The following SLC51B variants were observed in gnomAD, a reference collection of about 807,000 sequenced individuals.
SLC51B encodes the protein SLC51 subunit beta, also known as organic solute transporter subunit beta.
In SLC51B, 6 loss-of-function variants were observed where a neutral mutation model predicts 8.0. The observed-to-expected ratio is 0.75, with a 90% confidence interval of 0.41 to 1.48. The LOEUF (loss-of-function observed/expected upper bound fraction) is 1.48, where lower values mean the gene tolerates loss of function less well. Among genes scored for constraint, SLC51B ranks in the 40% most tolerant of loss-of-function variants. The pLI, the probability that SLC51B is intolerant of heterozygous loss-of-function variation, is 0.01. For missense variants in SLC51B, 150 were observed against 149.7 expected, an observed-to-expected ratio of 1.00 and a Z score of -0.01; for synonymous variants, 61 against 54.8, an observed-to-expected ratio of 1.11 and a Z score of -0.50.
chr15:65,048,015 C>T (rs1463388965), intron 1 of SLC51B, among the ~76,000 whole-genome samples: 1 of 151,974 alleles, frequency 6.6e-6, no homozygotes, highest in African/African-American at 2.4e-5. Flanking sequence ...CCCATCATTA[C>T]TAAAAATACA....
chr15:65,049,068 T>C (rs912619672), intron 1 of SLC51B: 3 of 148,296 alleles, frequency 2.0e-5, no homozygotes, highest in Non-Finnish European at 4.5e-5. Flanking sequence ...CTGAATAATA[T>C]ATGTTGTCAA....
At chr15:65,048,780 G>A (rs1010773129) in intron 1 of SLC51B, among the ~76,000 whole-genome samples, 9 of 152,100 alleles carry the variant, frequency 5.9e-5, no homozygotes, top group Non-Finnish European at 1.3e-4. Context: ...AGGCCAAGGC[G>A]GGTGGATCAC....
intron 3 of SLC51B, among the ~76,000 whole-genome samples, chr15:65,052,513 GC>G (rs2086667094): frequency 6.8e-6 from 1 of 146,824 alleles, no homozygotes; most frequent in Non-Finnish European, 1.5e-5. Flanking sequence ...TGATTCTCCT[GC>G]TTCAGCCTCC....
Position 65,053,367 on chromosome 15 carries a change from A to G in SLC51B, c.*203A>G. 8.6e-6 allele frequency: 12 copies of G among 1,393,966 alleles called. No homozygotes were observed. Among genetic ancestry groups the G allele is most frequent in the Non-Finnish European group, 1.0e-5 (11 of 1,079,562 alleles). The allele number at this position is 1,393,966 out of a possible 1,614,324, so 86.3% of individuals were successfully genotyped here. On this transcript the variant is annotated 3_prime_UTR_variant, in exon 4 of 4. Transcript: ENST00000334287. The stretch of plus-strand genomic sequence containing the variant: ...TTATTAAAAAAAATCTTTTATTAAA[A>G]TGCTCCTGGAAGGGAGCAGGTGGTA...
At chr15:65,049,166 A>C (rs1323908552) in intron 1 of SLC51B, 1 of 152,020 alleles carries the variant, frequency 6.6e-6, no homozygotes. Context: ...TTAGTACAAG[A>C]AGACGTCAAA....
At chr15:65,046,179 T>A (rs916754289) in intron 1 of SLC51B, among the ~76,000 whole-genome samples, 7 of 152,222 alleles carry the variant, frequency 4.6e-5, no homozygotes, top group African/African-American at 1.7e-4. Context: ...CGGGCACCTA[T>A]AATCCCAGCT....
chr15:65,051,402 C>T (rs1016328865), intron 2 of SLC51B, 113 bp from the exon 3 acceptor site: 10 of 972,340 alleles, frequency 1.0e-5, no homozygotes, highest in African/African-American at 6.4e-5. Flanking sequence ...AGGGTCTCCA[C>T]GCAAAGGACA....
chr15:65,050,243 C>T, intron 2 of SLC51B, 142 bp downstream of exon 2: 1 of 689,332 alleles, frequency 1.5e-6, no homozygotes. Flanking sequence ...CGGGGTGTCT[C>T]AGTACCCAGA....
At chr15:65,052,399 CTTTTTTTTTT>C (rs34021026) in intron 3 of SLC51B, among the ~76,000 whole-genome samples, 1 of 76,346 alleles carries the variant, frequency 1.3e-5, no homozygotes, top group Non-Finnish European at 2.5e-5. Flanking sequence ...GCATCCTTGG[CTTTTTTTTTT>C]TTTTTTTTTT....
chr15:65,053,285 T>C lies in SLC51B; in HGVS notation c.*121T>C. The stretch of plus-strand genomic sequence containing the variant: ...AGCCGCTTTTTTCTTTTTCTTTCTT[T>C]CTTTTTTTTTTTCTTAGCAGATACA... On this transcript the variant is annotated 3_prime_UTR_variant, in exon 4 of 4. Transcript: ENST00000334287. 7.0e-7 allele frequency: 1 copy of C among 1,430,670 alleles called. No homozygotes were observed. Among genetic ancestry groups the C allele is most frequent in the Non-Finnish European group, 9.1e-7 (1 of 1,096,096 alleles). The allele number at this position is 1,430,670 out of a possible 1,614,324, so 88.6% of individuals were successfully genotyped here.
At chr15:65,050,122 G>A in intron 2 of SLC51B, 21 bp downstream of exon 2, 1 of 1,542,156 alleles carries the variant, frequency 6.5e-7, no homozygotes, top group Non-Finnish European at 8.8e-7. Context: ...AGAGATTGAC[G>A]GCAGGGGTGG....
At position 65,053,053 on chromosome 15, in the gene SLC51B, A is replaced by G. The variant is rs2086676519; in HGVS notation, c.276A>G (p.Leu92=). 1 of 1,614,016 alleles carries G rather than the reference A, an allele frequency of 6.2e-7. No homozygotes were observed. The highest frequency in any genetic ancestry group is 1.7e-5 in the Admixed American group (1 of 59,994). The change falls in exon 4 of 4, where the codon CTA becomes CTG. Residue 92 remains leucine, a synonymous_variant. Coordinates refer to ENST00000334287, the MANE Select transcript of SLC51B (RefSeq NM_178859.4). ...EAKDHNSLNN[L]RETLLSEKPN... is the part of the protein sequence containing the mutation. ...AGGATCACAACAGCCTAAACAACCT[A>G]AGAGAAACTTTGCTCTCAGAAAAGC...
At position 65,050,080 on chromosome 15, in the gene SLC51B, T is replaced by C; in HGVS notation, c.76T>C (p.Trp26Arg). The stretch of plus-strand genomic sequence containing the variant: ...CCAGGAGCTGCTGGAAGAGATGCTT[T>C]GGTTTTTTCGTGTGGAAGATGGTAA... ...VPQELLEEML[W>R]FFRVEDASPW... The change falls in exon 2 of 4, where the codon TGG becomes CGG. Residue 26 changes from tryptophan (W) to arginine (R), a missense_variant. Transcript: ENST00000334287. 1 of 1,551,624 alleles carries C rather than the reference T, an allele frequency of 6.4e-7. No homozygotes were observed. Among genetic ancestry groups the C allele is most frequent in the Non-Finnish European group, 8.7e-7 (1 of 1,146,918 alleles).
At chr15:65,048,295 A>ATT in intron 1 of SLC51B, among the ~76,000 whole-genome samples, 1 of 152,174 alleles carries the variant, frequency 6.6e-6, no homozygotes, top group Middle Eastern at 3.4e-3. Flanking sequence ...TTAAGTCAGT[A>ATT]TTGTATTTGT....
intron 3 of SLC51B, among the ~76,000 whole-genome samples, chr15:65,052,121 T>G (rs2086661576): frequency 6.6e-6 from 1 of 152,042 alleles, no homozygotes; most frequent in Admixed American, 6.6e-5. Context: ...TGGGAGCCAA[T>G]GAAGGTGGTT....
intron 3 of SLC51B, among the ~76,000 whole-genome samples, chr15:65,052,378 A>T (rs1229185362): frequency 6.7e-6 from 1 of 150,022 alleles, no homozygotes; most frequent in East Asian, 2.0e-4. Context: ...AAGTGCACAC[A>T]CTAGCTATGT....
At chr15:65,051,637 T>A in intron 3 of SLC51B, 32 bp downstream of exon 3, 4 of 1,597,636 alleles carry the variant, frequency 2.5e-6, no homozygotes, top group Non-Finnish European at 3.4e-6. Flanking sequence ...GATGGGGTGG[T>A]CTCTGTGGGG....
At chr15:65,046,774 G>A (rs1227657000) in intron 1 of SLC51B, among the ~76,000 whole-genome samples, 2 of 152,016 alleles carry the variant, frequency 1.3e-5, no homozygotes, top group East Asian at 1.9e-4. Context: ...TTAGCCGGGC[G>A]TGGTGGCACA....
chr15:65,049,608 G>A (rs563528724), intron 1 of SLC51B: 1 of 154,284 alleles, frequency 6.5e-6, no homozygotes, highest in Non-Finnish European at 1.4e-5. Context: ...TGCGGACGCT[G>A]AACAGGCAGG....
Sources: gnomAD v4.1 joint callset for allele counts (sites outside exome capture counted in the v4.1 genomes callset) on GRCh38, gnomAD v4.1.1 for gene constraint, MANE v1.5 for transcripts, NCBI Gene and HGNC (gene_info 2026-07-23, HGNC 2026-07-21) for gene names.